The following KALRN variants were observed in gnomAD, a reference collection of about 807,000 sequenced individuals.
KALRN encodes kalirin RhoGEF kinase.
Under a neutral mutation model 353.7 loss-of-function variants are expected in KALRN, and 70 were observed. The observed-to-expected ratio is 0.20, with a 90% CI of 0.16 to 0.24. The LOEUF is 0.24. Ranked by LOEUF, KALRN falls within the 10% of genes least tolerant of loss-of-function variation. The pLI is 1.00. For missense variants in KALRN, 2,791 were observed against 3,756.7 expected, an observed-to-expected ratio of 0.74 and a Z score of 6.72; for synonymous variants, 1,391 against 1,434.8, an observed-to-expected ratio of 0.97 and a Z score of 0.69.
chr3:124,614,924 G>T (rs751248235), intron 34 of KALRN, among the ~76,000 whole-genome samples: 1 of 152,174 alleles, frequency 6.6e-6, no homozygotes. Flanking sequence ...TAGAAAATTA[G>T]CCTCTTCTCA....
At chr3:124,209,373 G>A (rs1325092723) in intron 1 of KALRN, among the ~76,000 whole-genome samples, 5 of 151,656 alleles carry the variant, frequency 3.3e-5, no homozygotes, top group Non-Finnish European at 5.9e-5. Flanking sequence ...GGGTGGTGGT[G>A]GTGTGTGCCT....
chr3:124,414,778 C>T (rs187316963), intron 14 of KALRN, among the ~76,000 whole-genome samples: 115 of 152,316 alleles, frequency 7.6e-4, no homozygotes, highest in African/African-American at 2.6e-3. Context: ...TACCGGGGTC[C>T]TTGTTGGCTC....
intron 34 of KALRN, among the ~76,000 whole-genome samples, chr3:124,629,128 G>A (rs1328615466): frequency 1.3e-5 from 2 of 152,160 alleles, no homozygotes; most frequent in African/African-American, 4.8e-5. Context: ...GCCTATGTGC[G>A]GGTGAGGTAG....
intron 57 of KALRN, among the ~76,000 whole-genome samples, chr3:124,708,641 A>G (rs1324893449): frequency 2.0e-5 from 3 of 152,178 alleles, no homozygotes; most frequent in Admixed American, 2.0e-4. Context: ...ATGGAAAAAT[A>G]TCAAAAGGTC....
intron 33 of KALRN, among the ~76,000 whole-genome samples, chr3:124,512,258 C>T (rs1465050754): frequency 2.0e-5 from 3 of 152,186 alleles, no homozygotes; most frequent in African/African-American, 7.2e-5. Flanking sequence ...TCATGACTGT[C>T]GCTGGCGCAA....
At chr3:124,473,189 A>G (rs2061107633) in intron 25 of KALRN, among the ~76,000 whole-genome samples, 1 of 152,230 alleles carries the variant, frequency 6.6e-6, no homozygotes, top group African/African-American at 2.4e-5. Flanking sequence ...TGTGAAATCC[A>G]TAACCACTTG....
intron 48 of KALRN, among the ~76,000 whole-genome samples, chr3:124,672,239 C>T (rs2086560451): frequency 6.6e-6 from 1 of 152,230 alleles, no homozygotes; most frequent in African/African-American, 2.4e-5. Context: ...TGAGCCACTG[C>T]ACCCGGCCAG....
intron 1 of KALRN, among the ~76,000 whole-genome samples, chr3:124,146,874 C>CAAAAA (rs34633708): frequency 0.22 from 11,047 of 49,702 alleles, 2,829 homozygotes; most frequent in African/African-American, 0.37. Flanking sequence ...GACTCTGTCT[C>CAAAAA]AAAAAAAAAA....
intron 1 of KALRN, among the ~76,000 whole-genome samples, chr3:124,070,428 AC>A (rs1382594571): frequency 6.6e-6 from 1 of 151,840 alleles, no homozygotes; most frequent in Non-Finnish European, 1.5e-5. Context: ...TCCTGCTGGA[AC>A]CTTTGCTTGA....
Position 124,657,493 on chromosome 3 carries a change from C to T in KALRN, c.5908C>T (p.Arg1970Ter). Residue 1970 changes from arginine to a stop codon, truncating the protein, a stop_gained, in exon 40 of 60, where the codon CGA (arginine) becomes TGA (stop). Coordinates refer to ENST00000682506, the MANE Select transcript of KALRN (RefSeq NM_001388419.1). LOFTEE classifies it high-confidence loss of function. ...AGAAAAGGGTGTCCCTGAGGATATG[C>T]GAGGAAAGGACAAAATCGTGTTTGG... ...IEEKGVPEDMRGKDKIVFGNI... is the reference protein window; with the variant it reads ...IEEKGVPEDM 3 of 1,613,834 alleles carry T rather than the reference C, an allele frequency of 1.9e-6. No individual in the cohort carries two copies. Among genetic ancestry groups the T allele is most frequent in the Non-Finnish European group, 1.7e-6 (2 of 1,179,868 alleles).
intron 57 of KALRN, among the ~76,000 whole-genome samples, chr3:124,705,487 A>G (rs561394903): frequency 7.9e-5 from 12 of 152,320 alleles, no homozygotes; most frequent in African/African-American, 2.9e-4. Context: ...GAGGGCCAGT[A>G]TAATTTTTGC....
chr3:124,540,355 A>G (rs1051904865), intron 33 of KALRN, among the ~76,000 whole-genome samples: 1 of 152,174 alleles, frequency 6.6e-6, no homozygotes, highest in African/African-American at 2.4e-5. Context: ...GCCCAGGTCT[A>G]TATATAAAGC....
At position 124,541,265 on chromosome 3, in the gene KALRN, C is replaced by T. The variant is rs575982932; in HGVS notation, c.4936-21578C>T. On this transcript the variant is annotated intron_variant, in intron 33 of 59. Transcript: ENST00000682506. ...AGGAGTTTGAGACCAGCCTGGCCAA[C>T]GTGGTGAAACCCCATCTCTACTGAA... 2.4e-4 allele frequency among the ~76,000 whole-genome samples: 36 copies of T among 151,900 alleles called. No homozygotes were observed. The East Asian group carries it at 3.5e-3, about 15-fold the overall frequency.
intron 34 of KALRN, among the ~76,000 whole-genome samples, chr3:124,574,876 T>G (rs931421802): frequency 1.3e-5 from 2 of 152,208 alleles, no homozygotes; most frequent in South Asian, 4.1e-4. Context: ...GAGCAGCCCT[T>G]GCAGGCCACA....
intron 46 of KALRN, 86 bp downstream of exon 46, chr3:124,666,720 GA>G: frequency 6.3e-6 from 7 of 1,104,314 alleles, no homozygotes; most frequent in Non-Finnish European, 8.1e-6. Flanking sequence ...CTGGAGTTGT[GA>G]CATCCAGAAC....
intron 1 of KALRN, among the ~76,000 whole-genome samples, chr3:124,199,397 C>T (rs182588666): frequency 6.6e-6 from 1 of 152,192 alleles, no homozygotes; most frequent in African/African-American, 2.4e-5. Context: ...TTGTGTTGAA[C>T]AGCCCACATT....
intron 33 of KALRN, among the ~76,000 whole-genome samples, chr3:124,512,423 G>A (rs187747767): frequency 2.0e-5 from 3 of 152,288 alleles, no homozygotes; most frequent in East Asian, 1.9e-4. Context: ...AAGCTGAGGC[G>A]GGTGGATCAT....
intron 5 of KALRN, among the ~76,000 whole-genome samples, chr3:124,298,377 C>T (rs564535809): frequency 5.9e-5 from 9 of 152,090 alleles, no homozygotes; most frequent in Admixed American, 2.0e-4. Flanking sequence ...GGGGCAGAGG[C>T]GAGTAAGGAT....
intron 34 of KALRN, among the ~76,000 whole-genome samples, chr3:124,599,963 G>A (rs945390810): frequency 6.6e-6 from 1 of 152,156 alleles, no homozygotes; most frequent in Non-Finnish European, 1.5e-5. Flanking sequence ...TCCCAGTGAG[G>A]TGGTCAAGTC....
Sources: gnomAD v4.1 joint callset for allele counts (sites outside exome capture counted in the v4.1 genomes callset) on GRCh38, gnomAD v4.1.1 for gene constraint, MANE v1.5 for transcripts, NCBI Gene and HGNC (gene_info 2026-07-23, HGNC 2026-07-21) for gene names.